The following GRB10 variants were observed in gnomAD, a reference collection of about 807,000 sequenced individuals.
The protein encoded by GRB10 is growth factor receptor-bound protein 10.
GRB10 carries 20 observed loss-of-function variants against 80.9 expected under a neutral mutation model. The ratio of observed to expected loss-of-function variants is 0.25; its 90% CI spans 0.17 to 0.36. The LOEUF (loss-of-function observed/expected upper bound fraction) is 0.36. GRB10 is among the 10% of genes least tolerant of loss of function. The pLI is 1.00. For missense variants in GRB10, 548 were observed against 747.7 expected (o/e 0.73, Z 3.12); for synonymous variants, 291 against 291.5 (o/e 1.00, Z 0.02).
intron 4 of GRB10, 135 bp downstream of exon 4, chr7:50,732,137 G>C: frequency 1.1e-6 from 1 of 887,490 alleles, no homozygotes; most frequent in Non-Finnish European, 1.9e-6. Context: ...CATGGGACTT[G>C]TCACCAGCCC....
chr7:50,642,846 G>A (rs2056520052), intron 7 of GRB10, among the ~76,000 whole-genome samples: 1 of 152,010 alleles, frequency 6.6e-6, no homozygotes, highest in Admixed American at 6.6e-5. Context: ...ACTAAATAAG[G>A]AACAAAAAAT....
intron 17 of GRB10, among the ~76,000 whole-genome samples, chr7:50,602,362 C>T (rs1374834749): frequency 1.3e-5 from 2 of 152,148 alleles, no homozygotes; most frequent in African/African-American, 2.4e-5. Flanking sequence ...CCTGCTCACC[C>T]GACACCACTA....
rs546828442 is a variant in GRB10, at chr7:50,635,189, G to C, written c.505-8211C>G. ...CAAAACCATATCAAGTATCTTCTTG[G>C]ACCACAGTGTAATAAAATTAAAAAT... On this transcript the variant is annotated intron_variant, in intron 7 of 18. Transcript: ENST00000401949. Among the ~76,000 whole-genome samples, 146 of 152,202 alleles carry C rather than the reference G, an allele frequency of 9.6e-4. 1 individual carries two copies. Among genetic ancestry groups the C allele is most frequent in the African/African-American group, 3.4e-3 (141 of 41,490 alleles).
chr7:50,664,105 T>C (rs2237465), intron 7 of GRB10, among the ~76,000 whole-genome samples: 40,876 of 152,148 alleles, frequency 0.27, 6,728 homozygotes, highest in Middle Eastern at 0.51. Flanking sequence ...TTCCCTAGCG[T>C]GGACACCGAC....
intron 7 of GRB10, among the ~76,000 whole-genome samples, chr7:50,660,715 G>T (rs2153628787): frequency 6.6e-6 from 1 of 152,266 alleles, no homozygotes; most frequent in South Asian, 2.1e-4. Context: ...GGTGTGAGGG[G>T]GGCCGAGGAC....
chr7:50,726,417 A>C (rs980766452), intron 4 of GRB10, among the ~76,000 whole-genome samples: 2 of 152,120 alleles, frequency 1.3e-5, no homozygotes, highest in Non-Finnish European at 2.9e-5. Flanking sequence ...AAAAAACAAA[A>C]ATAATACATA....
chr7:50,792,464 C>T (rs141792652), intron 1 of GRB10: 1 of 398,588 alleles, frequency 2.5e-6, no homozygotes, highest in East Asian at 3.6e-5. Context: ...AACGCACATG[C>T]TCCAAGGCAG....
intron 4 of GRB10, among the ~76,000 whole-genome samples, chr7:50,713,648 T>C (rs1399767693): frequency 1.3e-3 from 52 of 41,302 alleles, no homozygotes; most frequent in African/African-American, 2.0e-3. Flanking sequence ...ACCTCCCCCA[T>C]CACCTCCACC....
chr7:50,748,529 A>T (rs1156626719), intron 3 of GRB10, among the ~76,000 whole-genome samples: 4 of 152,186 alleles, frequency 2.6e-5, no homozygotes, highest in African/African-American at 9.7e-5. Context: ...AAATCAGGGT[A>T]CCAGGGATGG....
intron 1 of GRB10, chr7:50,792,997 C>T (rs1445675802): frequency 2.1e-5 from 3 of 144,168 alleles, no homozygotes; most frequent in Non-Finnish European, 4.6e-5. Flanking sequence ...CCCGCAGCCC[C>T]AGTCCCGCCT....
intron 7 of GRB10, among the ~76,000 whole-genome samples, chr7:50,635,021 G>C (rs1329210676): frequency 6.6e-6 from 1 of 152,178 alleles, no homozygotes; most frequent in Non-Finnish European, 1.5e-5. Context: ...ACTTAAGCTA[G>C]ACCTGATCAA....
intron 5 of GRB10, among the ~76,000 whole-genome samples, chr7:50,700,620 C>T (rs1311178514): frequency 2.0e-5 from 3 of 152,130 alleles, no homozygotes; most frequent in African/African-American, 7.2e-5. Flanking sequence ...AGCCTTACCA[C>T]CTTTGCAGCA....
At chr7:50,791,199 C>T (rs1034476154) in intron 1 of GRB10, among the ~76,000 whole-genome samples, 10 of 152,180 alleles carry the variant, frequency 6.6e-5, no homozygotes, top group African/African-American at 2.4e-5. Flanking sequence ...ATAACTACCA[C>T]ATCAAAACTC....
chr7:50,728,212 T>G (rs2068966385), intron 4 of GRB10, among the ~76,000 whole-genome samples: 1 of 27,512 alleles, frequency 3.6e-5, no homozygotes, highest in Non-Finnish European at 6.6e-5. Context: ...TTAGCCAAAG[T>G]ATGGGGGGGG....
At chr7:50,752,823 A>G (rs575310442) in intron 3 of GRB10, among the ~76,000 whole-genome samples, 29 of 152,156 alleles carry the variant, frequency 1.9e-4, no homozygotes, top group Non-Finnish European at 3.8e-4. Context: ...ACCCCAGGCA[A>G]CCCCTAAAAC....
intron 4 of GRB10, among the ~76,000 whole-genome samples, chr7:50,716,793 T>G (rs1401765789): frequency 6.6e-6 from 1 of 152,352 alleles, no homozygotes; most frequent in Admixed American, 6.5e-5. Context: ...GCCCAACGGC[T>G]GGCGTGGTCT....
At chr7:50,630,720 T>C (rs1423819645) in intron 7 of GRB10, among the ~76,000 whole-genome samples, 3 of 152,214 alleles carry the variant, frequency 2.0e-5, no homozygotes, top group Non-Finnish European at 4.4e-5. Context: ...TTTTTAAAAA[T>C]AAAACGGCAA....
At chr7:50,648,257 C>G (rs1433583838) in intron 7 of GRB10, among the ~76,000 whole-genome samples, 1 of 152,058 alleles carries the variant, frequency 6.6e-6, no homozygotes, top group African/African-American at 2.4e-5. Flanking sequence ...GAAAGGAGAG[C>G]AGCGAGCGAC....
At position 50,669,712 on chromosome 7, in the gene GRB10, G is replaced by A. The variant is rs2060166850; in HGVS notation, c.504+10C>T. 1.9e-6 allele frequency: 3 copies of A among 1,611,406 alleles called. No homozygotes were observed. Among genetic ancestry groups the A allele is most frequent in the Non-Finnish European group, 2.5e-6 (3 of 1,179,310 alleles). ...CCCTCAGCCTGGGCTCCAGCCAGGG[G>A]CACACTCACCTGCTTTGCGGCGGCC... is the stretch of plus-strand genomic sequence containing the variant. On this transcript the variant is annotated intron_variant, in intron 7 of 18. Transcript: ENST00000401949.
Sources: gnomAD v4.1 joint callset for allele counts (sites outside exome capture counted in the v4.1 genomes callset) on GRCh38, gnomAD v4.1.1 for gene constraint, MANE v1.5 for transcripts, NCBI Gene and HGNC (gene_info 2026-07-23, HGNC 2026-07-21) for gene names.